SNTG2: variants seen among roughly 807,000 people sequenced by gnomAD.
SNTG2 encodes the protein syntrophin gamma 2.
SNTG2 carries 74 observed loss-of-function variants against 70.9 expected under a neutral mutation model. The observed-to-expected ratio is 1.04, with a 90% CI of 0.86 to 1.27. The LOEUF is 1.27. Among genes scored for constraint, SNTG2 ranks in the 50% most tolerant of loss-of-function variants. The pLI, the probability that SNTG2 is intolerant of heterozygous loss-of-function variation, is 0.00. For synonymous variants in SNTG2, 278 were observed against 273.8 expected, an observed-to-expected ratio of 1.02 and a Z score of -0.15; for missense variants, 717 against 690.7, an observed-to-expected ratio of 1.04 and a Z score of -0.43.
intron 14 of SNTG2, among the ~76,000 whole-genome samples, chr2:1,285,380 A>C (rs1406954379): frequency 6.6e-6 from 1 of 152,142 alleles, no homozygotes; most frequent in Non-Finnish European, 1.5e-5. Flanking sequence ...CCCCTTGTCA[A>C]CTTGAACCCA....
intron 1 of SNTG2, among the ~76,000 whole-genome samples, chr2:1,058,657 T>A (rs1051620420): frequency 6.6e-6 from 1 of 152,302 alleles, no homozygotes; most frequent in East Asian, 1.9e-4. Context: ...TCCCCCACAT[T>A]GGGGACCTGC....
At chr2:1,177,646 A>G (rs544275090) in intron 8 of SNTG2, among the ~76,000 whole-genome samples, 2 of 152,260 alleles carry the variant, frequency 1.3e-5, no homozygotes, top group Admixed American at 6.5e-5. Context: ...TTAAAATTCT[A>G]TAATACCCAG....
intron 1 of SNTG2, among the ~76,000 whole-genome samples, chr2:1,026,984 C>T (rs1660512665): frequency 6.6e-6 from 1 of 152,224 alleles, no homozygotes; most frequent in African/African-American, 2.4e-5. Context: ...TCCACAGTAA[C>T]TTGGCTCAGC....
At chr2:979,160 G>A (rs190641835) in intron 1 of SNTG2, among the ~76,000 whole-genome samples, 232 of 152,308 alleles carry the variant, frequency 1.5e-3, no homozygotes, top group Non-Finnish European at 2.6e-3. Context: ...GGCCTTGGTG[G>A]ACAGCTGGTA....
intron 8 of SNTG2, among the ~76,000 whole-genome samples, chr2:1,193,042 G>A (rs758429594): frequency 6.6e-6 from 1 of 152,216 alleles, no homozygotes; most frequent in South Asian, 2.1e-4. Flanking sequence ...GGGGCTCAGG[G>A]AGGAGGGGGC....
intron 1 of SNTG2, among the ~76,000 whole-genome samples, chr2:1,082,758 T>C (rs1326154278): frequency 6.6e-6 from 1 of 152,254 alleles, no homozygotes; most frequent in Non-Finnish European, 1.5e-5. Flanking sequence ...ACCGGCGGCC[T>C]GCTCTGGAGC....
intron 13 of SNTG2, chr2:1,262,723 T>TG (rs1401815438): frequency 1.8e-4 from 27 of 152,204 alleles, no homozygotes; most frequent in Non-Finnish European, 3.4e-4. Flanking sequence ...GAAGGCTCCG[T>TG]CCAGACGAGG....
intron 1 of SNTG2, among the ~76,000 whole-genome samples, chr2:1,065,154 G>C (rs34107451): frequency 0.16 from 24,833 of 152,064 alleles, 2,146 homozygotes; most frequent in East Asian, 0.21. Context: ...TCCAGTATGA[G>C]CTTGAGAAAC....
chr2:1,262,447 C>T (rs188139512), intron 13 of SNTG2, among the ~76,000 whole-genome samples: 3 of 152,228 alleles, frequency 2.0e-5, no homozygotes, highest in African/African-American at 7.2e-5. Context: ...CTGGGTTGTA[C>T]AGCCAGCAAG....
At chr2:1,007,857 T>G (rs1206233743) in intron 1 of SNTG2, among the ~76,000 whole-genome samples, 1 of 152,156 alleles carries the variant, frequency 6.6e-6, no homozygotes, top group African/African-American at 2.4e-5. Flanking sequence ...CACTGCAACC[T>G]CCACCCCCTG....
At chr2:965,971 C>G (rs1008059531) in intron 1 of SNTG2, among the ~76,000 whole-genome samples, 1 of 152,174 alleles carries the variant, frequency 6.6e-6, no homozygotes, top group Non-Finnish European at 1.5e-5. Context: ...CCCGGCTCCT[C>G]CCAGCTGCTC....
intron 1 of SNTG2, among the ~76,000 whole-genome samples, chr2:1,064,709 A>G (rs1663041577): frequency 1.3e-5 from 2 of 152,184 alleles, no homozygotes; most frequent in Admixed American, 6.5e-5. Flanking sequence ...AAGTGATGCA[A>G]TGGGATACTA....
At chr2:966,297 T>G (rs1485701742) in intron 1 of SNTG2, among the ~76,000 whole-genome samples, 3 of 151,964 alleles carry the variant, frequency 2.0e-5, no homozygotes, top group Non-Finnish European at 4.4e-5. Context: ...AGAGTACTTA[T>G]TTTACATTTT....
intron 16 of SNTG2, among the ~76,000 whole-genome samples, chr2:1,365,232 C>T (rs1661415046): frequency 6.6e-6 from 1 of 152,136 alleles, no homozygotes; most frequent in South Asian, 2.1e-4. Context: ...CACTCATGAC[C>T]AGAGTGAGGG....
intron 4 of SNTG2, among the ~76,000 whole-genome samples, chr2:1,136,503 T>C (rs1357146838): frequency 6.6e-6 from 1 of 152,166 alleles, no homozygotes; most frequent in Non-Finnish European, 1.5e-5. Flanking sequence ...CTGTACAGAA[T>C]CGGTACCATT....
chr2:1,063,479 A>C (rs143807057), intron 1 of SNTG2, among the ~76,000 whole-genome samples: 41 of 152,292 alleles, frequency 2.7e-4, no homozygotes, highest in African/African-American at 9.9e-4. Context: ...AAGCACCAGG[A>C]AGGAAAGCTT....
chr2:1,241,956 C>A (rs1270899541), intron 11 of SNTG2, among the ~76,000 whole-genome samples: 1 of 152,152 alleles, frequency 6.6e-6, no homozygotes, highest in South Asian at 2.1e-4. Flanking sequence ...GGCTTAATTT[C>A]TTTATCTGTA....
chr2:1,315,603 C>A (rs1189825937), intron 15 of SNTG2, among the ~76,000 whole-genome samples: 1 of 152,034 alleles, frequency 6.6e-6, no homozygotes, highest in Non-Finnish European at 1.5e-5. Flanking sequence ...TTTGCTGCAG[C>A]CTTTTTTATT....
chr2:1,206,282 T>C (rs914912727), intron 8 of SNTG2, among the ~76,000 whole-genome samples: 14 of 152,286 alleles, frequency 9.2e-5, no homozygotes, highest in African/African-American at 2.9e-4. Context: ...GATGCCTGTG[T>C]GGAAGGTGGG....
Sources: allele counts gnomAD v4.1 joint callset (sites outside exome capture counted in the v4.1 genomes callset), GRCh38; gene constraint gnomAD v4.1.1; transcripts MANE v1.5; gene names NCBI Gene and HGNC (gene_info 2026-07-23, HGNC 2026-07-21).